SMYD3: variants seen among roughly 807,000 people sequenced by gnomAD.
SMYD3 encodes SET and MYND domain containing 3.
Under a neutral mutation model 57.7 loss-of-function variants are expected in SMYD3, and 36 were observed. The observed-to-expected ratio is 0.62, with a 90% CI of 0.48 to 0.82. The LOEUF (loss-of-function observed/expected upper bound fraction) is 0.82. Among genes scored for constraint, SMYD3 ranks in the 40% least tolerant of loss-of-function variants. The probability of loss-of-function intolerance (pLI) is 0.00; values close to 1 mark genes in which losing one functional copy is unlikely to be tolerated. For synonymous variants in SMYD3, 211 were observed against 195.0 expected, an observed-to-expected ratio of 1.08 and a Z score of -0.68; for missense variants, 515 against 538.8, an observed-to-expected ratio of 0.96 and a Z score of 0.44.
intron 5 of SMYD3, among the ~76,000 whole-genome samples, chr1:246,303,606 A>G (rs985258384): frequency 6.6e-6 from 1 of 151,980 alleles, no homozygotes; most frequent in Non-Finnish European, 1.5e-5. Context: ...ATTTGTGGTG[A>G]TTGAATCTAT....
At chr1:246,469,415 G>A (rs925069565) in intron 1 of SMYD3, among the ~76,000 whole-genome samples, 2 of 152,204 alleles carry the variant, frequency 1.3e-5, no homozygotes, top group Admixed American at 6.5e-5. Flanking sequence ...AGAAGGCAAA[G>A]TACAACATAA....
At chr1:245,911,557 A>G (rs2054988690) in intron 8 of SMYD3, among the ~76,000 whole-genome samples, 1 of 152,002 alleles carries the variant, frequency 6.6e-6, no homozygotes, top group Non-Finnish European at 1.5e-5. Flanking sequence ...TTCCTCTATG[A>G]AAAGTAATAA....
chr1:246,325,522 G>C (rs1001497792), intron 5 of SMYD3, among the ~76,000 whole-genome samples: 1 of 152,076 alleles, frequency 6.6e-6, no homozygotes, highest in African/African-American at 2.4e-5. Context: ...CAAATATTAT[G>C]TGGGGAGAAG....
At chr1:246,453,354 G>A (rs1169593911) in intron 1 of SMYD3, among the ~76,000 whole-genome samples, 1 of 152,128 alleles carries the variant, frequency 6.6e-6, no homozygotes, top group Non-Finnish European at 1.5e-5. Context: ...ATTCAAGGGA[G>A]AAAAAAGTTG....
intron 5 of SMYD3, among the ~76,000 whole-genome samples, chr1:246,121,804 G>A (rs1287027485): frequency 6.6e-6 from 1 of 152,138 alleles, no homozygotes; most frequent in Non-Finnish European, 1.5e-5. Context: ...AAAGAGTGCA[G>A]CGTTAATGAC....
intron 8 of SMYD3, among the ~76,000 whole-genome samples, chr1:245,878,261 T>G (rs2052596239): frequency 6.6e-6 from 1 of 152,180 alleles, no homozygotes; most frequent in South Asian, 2.1e-4. Flanking sequence ...AGAGCTGAGC[T>G]GGAAAAAGAG....
chr1:246,009,263 G>A (rs2059233636), intron 5 of SMYD3, among the ~76,000 whole-genome samples: 1 of 152,100 alleles, frequency 6.6e-6, no homozygotes, highest in Non-Finnish European at 1.5e-5. Flanking sequence ...TCATGTATTG[G>A]GGGCTATACT....
intron 5 of SMYD3, among the ~76,000 whole-genome samples, chr1:246,221,898 A>G (rs571251126): frequency 6.6e-6 from 1 of 152,262 alleles, no homozygotes; most frequent in East Asian, 1.9e-4. Flanking sequence ...CACCAGTCAC[A>G]TGTTTCCGGC....
intron 5 of SMYD3, among the ~76,000 whole-genome samples, chr1:246,273,457 G>GTCCCCAT (rs2064267162): frequency 6.7e-6 from 1 of 148,930 alleles, no homozygotes; most frequent in South Asian, 2.1e-4. Flanking sequence ...GCCCAGTAAT[G>GTCCCCAT]TCCCCATTGT....
chr1:246,403,854 C>T (rs1417543379), intron 1 of SMYD3, among the ~76,000 whole-genome samples: 2 of 152,146 alleles, frequency 1.3e-5, no homozygotes, highest in Admixed American at 1.3e-4. Flanking sequence ...AAATATATAT[C>T]CGTGTTCAAG....
chr1:245,955,625 T>C (rs912956820), intron 5 of SMYD3, among the ~76,000 whole-genome samples: 1 of 152,200 alleles, frequency 6.6e-6, no homozygotes, highest in Non-Finnish European at 1.5e-5. Context: ...TGTTCTATTT[T>C]AGTATTATTG....
chr1:246,234,548 A>C (rs201357920), intron 5 of SMYD3, among the ~76,000 whole-genome samples: 7 of 91,262 alleles, frequency 7.7e-5, no homozygotes, highest in South Asian at 4.5e-4. Flanking sequence ...GAGGAGAAGC[A>C]CTCCTTCAAT....
chr1:245,948,436 A>G lies in SMYD3; in HGVS notation c.532-18499T>C, dbSNP rs2057499906. Reference sequence around the variant, plus strand: ...GTAAGTGAGAGATGCCCAGCCGTCCACATTCCCACATGGACTCCTGTGATC... The same window carrying G: ...GTAAGTGAGAGATGCCCAGCCGTCCGCATTCCCACATGGACTCCTGTGATC... On this transcript the variant is annotated intron_variant, in intron 5 of 11. Coordinates refer to ENST00000490107, the MANE Select transcript of SMYD3 (RefSeq NM_001167740.2). 2.6e-5 allele frequency among the ~76,000 whole-genome samples: 4 copies of G among 152,230 alleles called. No homozygotes were observed. In the East Asian group the frequency reaches 7.8e-4, roughly 30 times the overall value.
chr1:246,337,356 G>GAT (rs970328016), intron 2 of SMYD3, among the ~76,000 whole-genome samples: 1 of 152,106 alleles, frequency 6.6e-6, no homozygotes, highest in Non-Finnish European at 1.5e-5. Flanking sequence ...TCACCCTTTA[G>GAT]AGAGTTAGGT....
At chr1:246,418,733 C>T (rs961411486) in intron 1 of SMYD3, among the ~76,000 whole-genome samples, 7 of 152,244 alleles carry the variant, frequency 4.6e-5, no homozygotes, top group Admixed American at 3.3e-4. Flanking sequence ...CTCCTCCAAC[C>T]GTCCCAGCCA....
intron 10 of SMYD3, among the ~76,000 whole-genome samples, chr1:245,853,452 T>C (rs1325974273): frequency 6.6e-6 from 1 of 152,122 alleles, no homozygotes; most frequent in East Asian, 1.9e-4. Flanking sequence ...GTCCTCCCAC[T>C]GTAATACGCA....
At chr1:245,806,125 C>CT (rs367849685) in intron 10 of SMYD3, among the ~76,000 whole-genome samples, 3 of 152,098 alleles carry the variant, frequency 2.0e-5, no homozygotes, top group Middle Eastern at 3.4e-3. Context: ...AGTTGTTCAA[C>CT]TTTTTTTGCT....
intron 1 of SMYD3, among the ~76,000 whole-genome samples, chr1:246,485,548 G>A (rs2068172876): frequency 6.6e-6 from 1 of 152,048 alleles, no homozygotes; most frequent in Non-Finnish European, 1.5e-5. Flanking sequence ...TTGGGAGGCT[G>A]ATGCAAGAGG....
intron 5 of SMYD3, among the ~76,000 whole-genome samples, chr1:246,045,398 A>G (rs1409015187): frequency 6.6e-6 from 1 of 152,180 alleles, no homozygotes; most frequent in Non-Finnish European, 1.5e-5. Flanking sequence ...TCCCTATTTA[A>G]TAAATGGTGC....
Sources: allele counts gnomAD v4.1 joint callset (sites outside exome capture counted in the v4.1 genomes callset), GRCh38; gene constraint gnomAD v4.1.1; transcripts MANE v1.5; gene names NCBI Gene and HGNC (gene_info 2026-07-23, HGNC 2026-07-21).